The following COL24A1 variants were observed in gnomAD, a reference collection of about 807,000 sequenced individuals.
COL24A1 encodes the protein collagen alpha-1(XXIV) chain.
In COL24A1, 224 loss-of-function variants were observed where a neutral mutation model predicts 253.9. The observed-to-expected ratio is 0.88, with a 90% CI of 0.79 to 0.99. The LOEUF is 0.99. Among genes scored for constraint, COL24A1 ranks in the 50% least tolerant of loss-of-function variants. The pLI, the probability that COL24A1 is intolerant of heterozygous loss-of-function variation, is 0.00. For synonymous variants in COL24A1, 685 were observed against 673.7 expected, an observed-to-expected ratio of 1.02 and a Z score of -0.26; for missense variants, 2,131 against 2,068.5, an observed-to-expected ratio of 1.03 and a Z score of -0.59.
chr1:86,003,182 C>A (rs529584018), intron 19 of COL24A1, among the ~76,000 whole-genome samples: 308 of 152,240 alleles, frequency 2.0e-3, no homozygotes, highest in Non-Finnish European at 3.7e-3. Flanking sequence ...TTTTGAGAAA[C>A]AGTTTTTGGT....
chr1:85,825,255 A>T (rs550467808), intron 43 of COL24A1, among the ~76,000 whole-genome samples: 83 of 152,186 alleles, frequency 5.5e-4, no homozygotes, highest in Non-Finnish European at 9.7e-4. Flanking sequence ...ACATGAACTC[A>T]TCATTTTTTA....
At chr1:85,923,769 G>A (rs1015623932) in intron 24 of COL24A1, among the ~76,000 whole-genome samples, 1 of 152,070 alleles carries the variant, frequency 6.6e-6, no homozygotes, top group African/African-American at 2.4e-5. Context: ...AACTATAGAA[G>A]CAAGGGCAAA....
chr1:86,092,553 C>T (rs1012241806), intron 5 of COL24A1, among the ~76,000 whole-genome samples: 38 of 151,854 alleles, frequency 2.5e-4, no homozygotes, highest in African/African-American at 8.9e-4. Flanking sequence ...ATTTTTTAAT[C>T]TAATAAATTT....
intron 31 of COL24A1, among the ~76,000 whole-genome samples, chr1:85,894,273 A>C (rs1683430821): frequency 6.6e-6 from 1 of 152,208 alleles, no homozygotes; most frequent in Non-Finnish European, 1.5e-5. Flanking sequence ...CATGTCATAC[A>C]CTAAGGTAAT....
intron 4 of COL24A1, among the ~76,000 whole-genome samples, 160 bp from the exon 5 acceptor site, chr1:86,112,780 C>T (rs915024117): frequency 1.3e-5 from 2 of 152,076 alleles, no homozygotes; most frequent in African/African-American, 4.8e-5. Context: ...CAGCTTATGC[C>T]CTATACCTAC....
In COL24A1 at chr1:86,003,737, G is replaced by C. The variant is rs376585590; in HGVS notation, c.2310+13414C>G. On this transcript the variant is annotated intron_variant, in intron 19 of 59. Coordinates refer to ENST00000370571, the MANE Select transcript of COL24A1 (RefSeq NM_152890.7). The stretch of plus-strand genomic sequence containing the variant: ...GAAGTGAGGATATATAGATTCCTCG[G>C]CAGTAATCAATGGCATGGCTATCTG... Among the ~76,000 whole-genome samples, 6 of 152,174 alleles carry C rather than the reference G, an allele frequency of 3.9e-5. No individual in the cohort carries two copies. In the South Asian group the frequency reaches 1.2e-3, roughly 32 times the overall value.
intron 47 of COL24A1, among the ~76,000 whole-genome samples, chr1:85,815,402 A>C (rs896741303): frequency 6.6e-6 from 1 of 152,188 alleles, no homozygotes; most frequent in African/African-American, 2.4e-5. Context: ...GCAAAAGTCT[A>C]TACAATATTT....
intron 57 of COL24A1, among the ~76,000 whole-genome samples, chr1:85,740,440 C>G (rs993623003): frequency 1.3e-5 from 2 of 151,774 alleles, no homozygotes; most frequent in African/African-American, 4.8e-5. Context: ...TGCTTGTACA[C>G]ATATATTCTA....
intron 37 of COL24A1, among the ~76,000 whole-genome samples, chr1:85,857,536 C>T (rs1231219441): frequency 6.6e-6 from 1 of 150,754 alleles, no homozygotes; most frequent in East Asian, 1.9e-4. Context: ...CAGCAGAAAC[C>T]ATCAGGGTAG....
intron 7 of COL24A1, among the ~76,000 whole-genome samples, chr1:86,072,954 C>G (rs1175186029): frequency 6.6e-6 from 1 of 152,120 alleles, no homozygotes; most frequent in Non-Finnish European, 1.5e-5. Flanking sequence ...GATGTCCACA[C>G]AAAAACTCCA....
chr1:85,834,719 C>T (rs566947079), intron 43 of COL24A1, among the ~76,000 whole-genome samples: 52 of 152,246 alleles, frequency 3.4e-4, no homozygotes, highest in Middle Eastern at 6.8e-3. Context: ...ATTTATGTTT[C>T]CATTTATACC....
At chr1:85,894,881 A>T (rs530124578) in intron 31 of COL24A1, among the ~76,000 whole-genome samples, 13 of 152,272 alleles carry the variant, frequency 8.5e-5, no homozygotes, top group Non-Finnish European at 1.5e-4. Context: ...AAAAAGGAAC[A>T]AGCAAATGCA....
At chr1:85,904,893 T>C (rs991822333) in intron 28 of COL24A1, among the ~76,000 whole-genome samples, 1 of 152,168 alleles carries the variant, frequency 6.6e-6, no homozygotes, top group Non-Finnish European at 1.5e-5. Context: ...ATGGTATTAA[T>C]AGTGTTTGAC....
At position 85,816,774 on chromosome 1, in the gene COL24A1, T is replaced by G. The variant is rs376303475; in HGVS notation, c.3951+14A>C. ...ATAGGAAATAATGAGCAAAGAGATATCCGTACTACTCACAGGAAGTCCCTG... is the reference window on the plus strand; with the variant it reads ...ATAGGAAATAATGAGCAAAGAGATAGCCGTACTACTCACAGGAAGTCCCTG... On this transcript the variant is annotated intron_variant, in intron 47 of 59. Transcript: ENST00000370571. The G allele has an allele frequency of 6.3e-7, 1 of 1,591,210 alleles. No individual in the cohort carries two copies. Among genetic ancestry groups the G allele is most frequent in the Non-Finnish European group, 8.6e-7 (1 of 1,159,314 alleles).
chr1:85,961,942 G>C (rs926276978), intron 23 of COL24A1, among the ~76,000 whole-genome samples: 12 of 152,052 alleles, frequency 7.9e-5, no homozygotes, highest in African/African-American at 2.9e-4. Context: ...GTTGGGCAGG[G>C]ACACAAATCC....
At chr1:85,806,937 C>CA (rs1343496916) in intron 47 of COL24A1, among the ~76,000 whole-genome samples, 1 of 152,192 alleles carries the variant, frequency 6.6e-6, no homozygotes, top group Non-Finnish European at 1.5e-5. Context: ...GCAGAATTTG[C>CA]ATATTAATAC....
chr1:86,115,926 A>G (rs552761267), intron 3 of COL24A1, among the ~76,000 whole-genome samples: 2 of 149,356 alleles, frequency 1.3e-5, no homozygotes, highest in African/African-American at 4.9e-5. Context: ...AGTCACTAAT[A>G]GAGTTAAATG....
chr1:85,869,117 G>T (rs1049832279), intron 35 of COL24A1, among the ~76,000 whole-genome samples: 1 of 152,000 alleles, frequency 6.6e-6, no homozygotes, highest in African/African-American at 2.4e-5. Flanking sequence ...TATCCATTTG[G>T]TAGCTCTAGA....
At chr1:85,954,950 T>C (rs1252954255) in intron 24 of COL24A1, among the ~76,000 whole-genome samples, 1 of 152,144 alleles carries the variant, frequency 6.6e-6, no homozygotes, top group Non-Finnish European at 1.5e-5. Flanking sequence ...TTCTTATGAT[T>C]TAGGTAGGTC....
Sources: allele counts gnomAD v4.1 joint callset (sites outside exome capture counted in the v4.1 genomes callset), GRCh38; gene constraint gnomAD v4.1.1; transcripts MANE v1.5; gene names NCBI Gene and HGNC (gene_info 2026-07-23, HGNC 2026-07-21).